Variants in DOCK1 observed in about 807,000 individuals in gnomAD.
The protein encoded by DOCK1 is dedicator of cytokinesis 1, also known as dedicator of cytokinesis protein 1.
In DOCK1, 138 loss-of-function variants were observed where a neutral mutation model predicts 262.7. That is an observed-to-expected ratio of 0.53 (90% CI 0.46 to 0.61). The LOEUF (loss-of-function observed/expected upper bound fraction) is 0.61. DOCK1 is among the 20% of genes least tolerant of loss of function. DOCK1 has a pLI of 0.00. For missense variants in DOCK1, 1,908 were observed against 2,370.7 expected, an observed-to-expected ratio of 0.80 and a Z score of 4.05; for synonymous variants, 866 against 867.4, an observed-to-expected ratio of 1.00 and a Z score of 0.03.
rs558067426 is a variant in DOCK1, at chr10:126,905,849, G to A, written c.46+286G>A. Among the ~76,000 whole-genome samples, 8 of 152,092 alleles carry A rather than the reference G, an allele frequency of 5.3e-5. No individual in the cohort carries two copies. In the South Asian group the frequency reaches 1.7e-3, roughly 32 times the overall value. On this transcript the variant is annotated intron_variant, in intron 1 of 51. Transcript: ENST00000623213. ...CCCTAGGGTGTCCCCTCCGACGCCC[G>A]CTCCTCTGGACCTCTGCCGTGGAGC...
At chr10:127,068,230 T>G (rs1480154791) in intron 23 of DOCK1, among the ~76,000 whole-genome samples, 1 of 152,174 alleles carries the variant, frequency 6.6e-6, no homozygotes, top group Non-Finnish European at 1.5e-5. Context: ...TATGAGGAGT[T>G]TTTGCTGCTT....
rs148209045 is a variant in DOCK1 at position 126,925,416 on chromosome 10, G to A, written c.46+19853G>A. Among the ~76,000 whole-genome samples the A allele has an allele frequency of 7.5e-3, 1,139 of 152,170 alleles. 20 individuals are homozygous for A. The highest frequency in any genetic ancestry group is 0.026 in the African/African-American group (1,081 of 41,528). On this transcript the variant is annotated intron_variant, in intron 1 of 51. Coordinates refer to ENST00000623213, the MANE Select transcript of DOCK1 (RefSeq NM_001290223.2). The stretch of plus-strand genomic sequence containing the variant: ...GTTTTGTTTTTTGAGACGGAGTCTC[G>A]CTCTGTTTCCAGGCTGCAGGGCAGT...
At chr10:126,966,993 GA>G in intron 1 of DOCK1, among the ~76,000 whole-genome samples, 2 of 152,234 alleles carry the variant, frequency 1.3e-5, no homozygotes, top group South Asian at 4.2e-4. Flanking sequence ...AGATGGACTC[GA>G]CCAGGGAGAA....
intron 29 of DOCK1, among the ~76,000 whole-genome samples, chr10:127,258,263 T>A (rs1391147969): frequency 1.3e-5 from 2 of 152,152 alleles, no homozygotes; most frequent in East Asian, 3.8e-4. Context: ...ATGTTCCTCT[T>A]GTTGCCCAAT....
intron 27 of DOCK1, among the ~76,000 whole-genome samples, chr10:127,148,136 T>C (rs1307737958): frequency 2.0e-5 from 3 of 149,114 alleles, no homozygotes; most frequent in Non-Finnish European, 3.0e-5. Context: ...TTTCACAAGC[T>C]CCCCCTCTCT....
intron 1 of DOCK1, among the ~76,000 whole-genome samples, chr10:126,963,838 C>G (rs1031510271): frequency 1.2e-4 from 18 of 152,122 alleles, no homozygotes; most frequent in African/African-American, 4.3e-4. Flanking sequence ...TGCTACCATT[C>G]AGGCTCATCT....
intron 39 of DOCK1, 74 bp from the exon 40 acceptor site, chr10:127,404,251 G>T: frequency 7.7e-7 from 1 of 1,302,028 alleles, no homozygotes; most frequent in Non-Finnish European, 1.1e-6. Flanking sequence ...CTTTTAAAGA[G>T]CCCGCAAGAA....
chr10:127,016,491 C>T (rs986150346), intron 12 of DOCK1: 20 of 152,294 alleles, frequency 1.3e-4, no homozygotes, highest in African/African-American at 4.1e-4. Flanking sequence ...GCACCGCTGT[C>T]GGTTACCTCC....
At chr10:127,170,539 G>C (rs1261538947) in intron 27 of DOCK1, among the ~76,000 whole-genome samples, 1 of 152,182 alleles carries the variant, frequency 6.6e-6, no homozygotes, top group Admixed American at 6.5e-5. Context: ...CACTTCAAGA[G>C]ACTAAATGTT....
intron 27 of DOCK1, among the ~76,000 whole-genome samples, chr10:127,243,157 A>G (rs915957608): frequency 6.6e-6 from 1 of 152,170 alleles, no homozygotes; most frequent in Non-Finnish European, 1.5e-5. Flanking sequence ...CACATGGCTA[A>G]GTCCATTTTT....
chr10:127,321,720 CCCG>C (rs2062539489), intron 29 of DOCK1, among the ~76,000 whole-genome samples: 1 of 142,036 alleles, frequency 7.0e-6, no homozygotes, highest in Non-Finnish European at 1.5e-5. Context: ...AACCCCTCCC[CCCG>C]CCGCCCCTGC....
intron 29 of DOCK1, among the ~76,000 whole-genome samples, chr10:127,293,544 G>A (rs1450741845): frequency 6.6e-6 from 1 of 152,178 alleles, no homozygotes; most frequent in Non-Finnish European, 1.5e-5. Context: ...TGCCATTGAG[G>A]TGGATGGAGG....
At chr10:127,279,624 C>G (rs939164836) in intron 29 of DOCK1, among the ~76,000 whole-genome samples, 15 of 152,172 alleles carry the variant, frequency 9.9e-5, no homozygotes, top group Non-Finnish European at 2.2e-4. Context: ...AAACATGTTA[C>G]TGTTCTCTAC....
At chr10:126,917,372 T>C (rs2134065620) in intron 1 of DOCK1, among the ~76,000 whole-genome samples, 2 of 152,306 alleles carry the variant, frequency 1.3e-5, no homozygotes, top group Middle Eastern at 6.8e-3. Context: ...ATATTCAGGT[T>C]TTGTCTTCTC....
At position 127,302,845 on chromosome 10, in the gene DOCK1, A is replaced by G. The variant is rs73382486; in HGVS notation, c.3045-36161A>G. ...AAAATGGGTGAGAACAGAGAACAGCATGAAATATGGACAGCAGACAGCCCT... is the reference window on the plus strand; with the variant it reads ...AAAATGGGTGAGAACAGAGAACAGCGTGAAATATGGACAGCAGACAGCCCT... On this transcript the variant is annotated intron_variant, in intron 29 of 51. Coordinates refer to ENST00000623213, the MANE Select transcript of DOCK1 (RefSeq NM_001290223.2). Among the ~76,000 whole-genome samples, 785 of 151,826 alleles carry G rather than the reference A, an allele frequency of 5.2e-3. 7 individuals are homozygous for G. Among genetic ancestry groups the G allele is most frequent in the African/African-American group, 0.018 (734 of 41,404 alleles).
chr10:126,951,113 T>C (rs1183318431), intron 1 of DOCK1, among the ~76,000 whole-genome samples: 1 of 151,738 alleles, frequency 6.6e-6, no homozygotes, highest in Non-Finnish European at 1.5e-5. Flanking sequence ...GGTAGTGTTG[T>C]TGGTAGTATT....
At chr10:127,041,832 T>G (rs1352488542) in intron 19 of DOCK1, among the ~76,000 whole-genome samples, 1 of 152,180 alleles carries the variant, frequency 6.6e-6, no homozygotes, top group Non-Finnish European at 1.5e-5. Flanking sequence ...TACTTCATCA[T>G]GTTTATGGCC....
chr10:127,375,985 G>T (rs2065463845), intron 35 of DOCK1, among the ~76,000 whole-genome samples: 1 of 152,250 alleles, frequency 6.6e-6, no homozygotes, highest in East Asian at 1.9e-4. Flanking sequence ...ACCACCACTG[G>T]AGCCAGTACT....
intron 1 of DOCK1, among the ~76,000 whole-genome samples, chr10:126,916,916 G>A (rs1372820936): frequency 6.8e-6 from 1 of 148,042 alleles, no homozygotes; most frequent in Non-Finnish European, 1.5e-5. Flanking sequence ...TGGGAGCTGT[G>A]TGAGGCCAGC....
Sources: gnomAD v4.1 joint callset for allele counts (sites outside exome capture counted in the v4.1 genomes callset) on GRCh38, gnomAD v4.1.1 for gene constraint, MANE v1.5 for transcripts, NCBI Gene and HGNC (gene_info 2026-07-23, HGNC 2026-07-21) for gene names.